The following NR6A1 variants were observed in gnomAD, a reference collection of about 807,000 sequenced individuals.
NR6A1 encodes the protein retinoic acid receptor-related testis-associated receptor.
In NR6A1, 7 loss-of-function variants were observed where a neutral mutation model predicts 59.1. The ratio of observed to expected loss-of-function variants is 0.12; its 90% CI spans 0.07 to 0.22. The LOEUF (loss-of-function observed/expected upper bound fraction) is 0.22. Among genes scored for constraint, NR6A1 ranks in the 10% least tolerant of loss-of-function variants. The probability of loss-of-function intolerance (pLI) is 1.00; values close to 1 mark genes in which losing one functional copy is unlikely to be tolerated. For synonymous variants in NR6A1, 243 were observed against 236.1 expected, an observed-to-expected ratio of 1.03 and a Z score of -0.27; for missense variants, 468 against 611.6, an observed-to-expected ratio of 0.77 and a Z score of 2.48.
intron 2 of NR6A1, among the ~76,000 whole-genome samples, chr9:124,611,697 C>T (rs1041599550): frequency 1.7e-4 from 25 of 147,210 alleles, no homozygotes; most frequent in African/African-American, 5.9e-4. Context: ...TCCAGTGAGC[C>T]GTGATTACAC....
At chr9:124,539,048 T>TA (rs60639675) in intron 5 of NR6A1, among the ~76,000 whole-genome samples, 136 of 149,354 alleles carry the variant, frequency 9.1e-4, no homozygotes, top group South Asian at 1.7e-3. Flanking sequence ...TCTCTTTTTT[T>TA]AAAAAAAAAA....
rs1346579814 is a variant in NR6A1 at position 124,669,821 on chromosome 9, T to C, written c.142+63487A>G. Among the ~76,000 whole-genome samples the C allele has an allele frequency of 2.0e-5, 3 of 152,294 alleles. No homozygotes were observed. The East Asian group carries it at 5.8e-4, about 29-fold the overall frequency. On this transcript the variant is annotated intron_variant, in intron 2 of 9. Transcript: ENST00000487099. The stretch of plus-strand genomic sequence containing the variant: ...TATGTTGACCAGGCTAGTCTTGAAC[T>C]CCTGACCTCAGGTGATCCACCCACC...
chr9:124,586,312 T>C (rs1384381132), intron 2 of NR6A1, among the ~76,000 whole-genome samples: 1 of 152,146 alleles, frequency 6.6e-6, no homozygotes, highest in African/African-American at 2.4e-5. Context: ...TGGAAGAAGT[T>C]GATTCTAACC....
intron 2 of NR6A1, among the ~76,000 whole-genome samples, chr9:124,638,325 G>T (rs1836678814): frequency 6.6e-6 from 1 of 151,340 alleles, no homozygotes; most frequent in Middle Eastern, 3.4e-3. Flanking sequence ...AGACTGGATA[G>T]GCTCATCTAC....
At chr9:124,714,668 CTAACAAATT>C (rs1839365726) in intron 2 of NR6A1, among the ~76,000 whole-genome samples, 1 of 152,060 alleles carries the variant, frequency 6.6e-6, no homozygotes, top group Non-Finnish European at 1.5e-5. Flanking sequence ...GTTACTAGAA[CTAACAAATT>C]TAACAATGTC....
intron 2 of NR6A1, among the ~76,000 whole-genome samples, chr9:124,714,958 C>T (rs1162728682): frequency 1.3e-5 from 2 of 151,920 alleles, no homozygotes; most frequent in East Asian, 1.9e-4. Flanking sequence ...CCAGCACTTT[C>T]GGAGGCCGAG....
chr9:124,543,710 A>G (rs1588653267), intron 4 of NR6A1, 92 bp downstream of exon 4: 1 of 916,112 alleles, frequency 1.1e-6, no homozygotes, highest in East Asian at 2.7e-5. Flanking sequence ...TCTCCTCAGC[A>G]GCAGATGAAA....
chr9:124,761,346 C>T (rs1225273542), intron 1 of NR6A1, among the ~76,000 whole-genome samples: 1 of 152,226 alleles, frequency 6.6e-6, no homozygotes, highest in African/African-American at 2.4e-5. Context: ...CAACACCTAT[C>T]CAAGCTTCAC....
intron 2 of NR6A1, among the ~76,000 whole-genome samples, chr9:124,622,755 C>T (rs1836113808): frequency 6.6e-6 from 1 of 151,228 alleles, no homozygotes; most frequent in Non-Finnish European, 1.5e-5. Flanking sequence ...ACTGGAAAAC[C>T]TTAAAAAAAA....
intron 2 of NR6A1, among the ~76,000 whole-genome samples, chr9:124,679,466 C>T (rs1025383389): frequency 6.6e-6 from 1 of 152,150 alleles, no homozygotes; most frequent in African/African-American, 2.4e-5. Flanking sequence ...CGCACCTGCC[C>T]CCTGATTATC....
chr9:124,535,709 G>A (rs1173555618), intron 7 of NR6A1, among the ~76,000 whole-genome samples, 169 bp downstream of exon 7: 5 of 152,236 alleles, frequency 3.3e-5, no homozygotes, highest in Non-Finnish European at 7.3e-5. Context: ...CAGAACCTGA[G>A]GATCAGAGAC....
intron 2 of NR6A1, among the ~76,000 whole-genome samples, chr9:124,724,575 A>G (rs979552927): frequency 3.9e-5 from 6 of 152,198 alleles, no homozygotes; most frequent in African/African-American, 1.4e-4. Flanking sequence ...TGGAAACTGA[A>G]TTAAAGTAAG....
chr9:124,577,675 ATGTATC>A (rs1242529882), intron 2 of NR6A1, among the ~76,000 whole-genome samples: 2 of 152,312 alleles, frequency 1.3e-5, no homozygotes, highest in East Asian at 3.9e-4. Context: ...TAAATGACCT[ATGTATC>A]TGTAACACTC....
chr9:124,667,811 C>A (rs1205592292), intron 2 of NR6A1, among the ~76,000 whole-genome samples: 2 of 152,128 alleles, frequency 1.3e-5, no homozygotes, highest in African/African-American at 4.8e-5. Context: ...CTTATCGTAG[C>A]AGTATGCTTA....
intron 2 of NR6A1, among the ~76,000 whole-genome samples, chr9:124,558,371 C>A (rs990839727): frequency 6.6e-6 from 1 of 152,008 alleles, no homozygotes; most frequent in African/African-American, 2.4e-5. Flanking sequence ...TTACTGCCTG[C>A]CATGTTCTGT....
At chr9:124,673,376 A>G (rs533498461) in intron 2 of NR6A1, among the ~76,000 whole-genome samples, 1 of 152,330 alleles carries the variant, frequency 6.6e-6, no homozygotes, top group South Asian at 2.1e-4. Context: ...TAAAACTCCC[A>G]TAATTTAAAA....
chr9:124,574,294 C>T (rs1309949393), intron 2 of NR6A1, among the ~76,000 whole-genome samples: 1 of 152,146 alleles, frequency 6.6e-6, no homozygotes, highest in Non-Finnish European at 1.5e-5. Flanking sequence ...CAAGATACTT[C>T]CCAGATGTCA....
chr9:124,657,185 G>A (rs1837284867), intron 2 of NR6A1, among the ~76,000 whole-genome samples: 1 of 152,078 alleles, frequency 6.6e-6, no homozygotes, highest in African/African-American at 2.4e-5. Flanking sequence ...CATCAAAACA[G>A]CTTTTCTCGG....
chr9:124,534,829 A>G (rs1184471705), intron 7 of NR6A1, among the ~76,000 whole-genome samples: 1 of 152,220 alleles, frequency 6.6e-6, no homozygotes, highest in Non-Finnish European at 1.5e-5. Flanking sequence ...GAAAGAAGAC[A>G]ATTAAAAATA....
Sources: gnomAD v4.1 joint callset for allele counts (sites outside exome capture counted in the v4.1 genomes callset) on GRCh38, gnomAD v4.1.1 for gene constraint, MANE v1.5 for transcripts, NCBI Gene and HGNC (gene_info 2026-07-23, HGNC 2026-07-21) for gene names.